Variants in RBMS3 observed in about 807,000 individuals in gnomAD.
The protein encoded by RBMS3 is RNA binding motif single stranded interacting protein 3, also known as RNA-binding motif, single-stranded-interacting protein 3.
RBMS3 carries 27 observed loss-of-function variants against 66.8 expected under a neutral mutation model. The observed-to-expected ratio is 0.40, with a 90% CI of 0.30 to 0.56. The LOEUF (loss-of-function observed/expected upper bound fraction) is 0.56, where lower values mean the gene tolerates loss of function less well. Among genes scored for constraint, RBMS3 ranks in the 20% least tolerant of loss-of-function variants. The pLI is 0.40. For missense variants in RBMS3, 513 were observed against 549.5 expected (o/e 0.93, Z 0.66); for synonymous variants, 188 against 183.0 (o/e 1.03, Z -0.22).
chr3:29,366,049 A>G (rs1246657492), intron 1 of RBMS3, among the ~76,000 whole-genome samples: 3 of 152,196 alleles, frequency 2.0e-5, no homozygotes, highest in Non-Finnish European at 2.9e-5. Flanking sequence ...GAGGATGTGA[A>G]GTAAGAGTTG....
At chr3:29,787,217 CTT>C (rs887443358) in intron 6 of RBMS3, among the ~76,000 whole-genome samples, 10 of 151,854 alleles carry the variant, frequency 6.6e-5, no homozygotes, top group African/African-American at 9.7e-5. Flanking sequence ...AAAGGGAACA[CTT>C]TTACATTGTA....
intron 3 of RBMS3, among the ~76,000 whole-genome samples, chr3:29,541,421 ATTTC>A: frequency 7.2e-6 from 1 of 139,158 alleles, no homozygotes; most frequent in East Asian, 2.2e-4. Context: ...TTAGCCTCAA[ATTTC>A]TTTCATTCTT....
chr3:29,455,385 G>A (rs2042151198), intron 2 of RBMS3, among the ~76,000 whole-genome samples: 1 of 152,102 alleles, frequency 6.6e-6, no homozygotes, highest in Non-Finnish European at 1.5e-5. Flanking sequence ...AAATACAGAG[G>A]TAGAGTCGAT....
At chr3:29,781,590 G>T (rs114215431) in intron 6 of RBMS3, among the ~76,000 whole-genome samples, 1 of 152,206 alleles carries the variant, frequency 6.6e-6, no homozygotes, top group Non-Finnish European at 1.5e-5. Flanking sequence ...GAAACTCATT[G>T]TCTAATCCTT....
At chr3:29,677,029 A>G (rs1045704360) in intron 4 of RBMS3, among the ~76,000 whole-genome samples, 6 of 152,150 alleles carry the variant, frequency 3.9e-5, no homozygotes, top group Non-Finnish European at 8.8e-5. Flanking sequence ...GTAGAAGGCA[A>G]AGCAGAAGCA....
intron 10 of RBMS3, among the ~76,000 whole-genome samples, chr3:29,929,299 C>G (rs1163465468): frequency 6.6e-6 from 1 of 152,106 alleles, no homozygotes; most frequent in East Asian, 1.9e-4. Context: ...ACACCAAAAG[C>G]TACTGATAAA....
At chr3:29,362,966 C>G (rs564014590) in intron 1 of RBMS3, among the ~76,000 whole-genome samples, 3 of 152,124 alleles carry the variant, frequency 2.0e-5, no homozygotes, top group African/African-American at 7.2e-5. Flanking sequence ...ATAGATGATT[C>G]CCTTGCTTTT....
intron 3 of RBMS3, among the ~76,000 whole-genome samples, chr3:29,542,228 A>C (rs938826903): frequency 6.6e-6 from 1 of 152,122 alleles, no homozygotes; most frequent in Non-Finnish European, 1.5e-5. Context: ...AATAATAACT[A>C]TCCCCCTTTT....
intron 1 of RBMS3, among the ~76,000 whole-genome samples, chr3:29,399,592 A>G (rs949085280): frequency 3.3e-5 from 5 of 152,198 alleles, no homozygotes; most frequent in Admixed American, 3.3e-4. Flanking sequence ...TTCCAGCATC[A>G]TGGCCTGATT....
chr3:29,951,533 A>G (rs528465827), intron 12 of RBMS3, among the ~76,000 whole-genome samples: 1 of 151,836 alleles, frequency 6.6e-6, no homozygotes, highest in East Asian at 1.9e-4. Flanking sequence ...AATTGAAAGG[A>G]TATGTCCAAA....
intron 1 of RBMS3, among the ~76,000 whole-genome samples, chr3:29,399,458 G>C (rs1353632882): frequency 1.4e-5 from 2 of 146,002 alleles, no homozygotes; most frequent in African/African-American, 4.9e-5. Flanking sequence ...AAAAAATTGA[G>C]GTTTATTTGC....
chr3:29,577,589 A>T (rs182102612), intron 3 of RBMS3, among the ~76,000 whole-genome samples: 1 of 152,188 alleles, frequency 6.6e-6, no homozygotes, highest in African/African-American at 2.4e-5. Flanking sequence ...TTGGGTATCA[A>T]CTGATGAGAT....
At chr3:29,570,015 T>C (rs2046892649) in intron 3 of RBMS3, among the ~76,000 whole-genome samples, 1 of 152,160 alleles carries the variant, frequency 6.6e-6, no homozygotes, top group African/African-American at 2.4e-5. Context: ...ATTGTATGTA[T>C]AATCTGATAT....
chr3:29,641,937 T>C (rs2049730672), intron 4 of RBMS3, among the ~76,000 whole-genome samples: 2 of 152,014 alleles, frequency 1.3e-5, no homozygotes, highest in Non-Finnish European at 2.9e-5. Context: ...AGAGCTGTCC[T>C]CCCAAGAAAG....
chr3:29,370,268 C>T (rs1354168968), intron 1 of RBMS3, among the ~76,000 whole-genome samples: 1 of 152,104 alleles, frequency 6.6e-6, no homozygotes, highest in Non-Finnish European at 1.5e-5. Flanking sequence ...GCCTATGAAC[C>T]TGTTTGAGAT....
chr3:29,399,259 C>T (rs1386392024), intron 1 of RBMS3, among the ~76,000 whole-genome samples: 1 of 152,028 alleles, frequency 6.6e-6, no homozygotes, highest in Non-Finnish European at 1.5e-5. Context: ...ATCCACACAT[C>T]TATATATGTT....
At chr3:29,607,967 A>G (rs1041330424) in intron 4 of RBMS3, among the ~76,000 whole-genome samples, 2 of 152,028 alleles carry the variant, frequency 1.3e-5, no homozygotes, top group African/African-American at 2.4e-5. Flanking sequence ...TGAAACATAC[A>G]CAAAAGCAGA....
intron 3 of RBMS3, among the ~76,000 whole-genome samples, chr3:29,532,010 G>C (rs895458116): frequency 6.6e-6 from 1 of 151,826 alleles, no homozygotes; most frequent in Non-Finnish European, 1.5e-5. Context: ...AAACGGAGCC[G>C]TTCTAAGTCT....
rs547352864 is a variant in RBMS3 at position 29,679,461 on chromosome 3, C to G, written c.400-60259C>G. 5.3e-5 allele frequency among the ~76,000 whole-genome samples: 8 copies of G among 152,138 alleles called. No homozygotes were observed. In the South Asian group the frequency reaches 1.7e-3, roughly 32 times the overall value. On this transcript the variant is annotated intron_variant, in intron 4 of 14. Coordinates refer to ENST00000383767, the MANE Select transcript of RBMS3 (RefSeq NM_001003793.3). ...TGAATTTAAAATGTTTAAATGGAAACGACCTGGAGATGTAATTGCCAAAAT... is the reference window on the plus strand; with the variant it reads ...TGAATTTAAAATGTTTAAATGGAAAGGACCTGGAGATGTAATTGCCAAAAT...
Sources: gnomAD v4.1 joint callset for allele counts (sites outside exome capture counted in the v4.1 genomes callset) on GRCh38, gnomAD v4.1.1 for gene constraint, MANE v1.5 for transcripts, NCBI Gene and HGNC (gene_info 2026-07-23, HGNC 2026-07-21) for gene names.